PTCH2: variants seen among roughly 807,000 people sequenced by gnomAD.
PTCH2 encodes the protein protein patched homolog 2.
Under a neutral mutation model 117.9 loss-of-function variants are expected in PTCH2, and 96 were observed. The ratio of observed to expected loss-of-function variants is 0.81; its 90% CI spans 0.69 to 0.96. The LOEUF (loss-of-function observed/expected upper bound fraction) is 0.96, where lower values mean the gene tolerates loss of function less well. Among genes scored for constraint, PTCH2 ranks in the 50% least tolerant of loss-of-function variants. The pLI is 0.00. For synonymous variants in PTCH2, 615 were observed against 660.9 expected (o/e 0.93, Z 1.06); for missense variants, 1,379 against 1,562.5 (o/e 0.88, Z 1.98).
At position 44,832,360 on chromosome 1, in the gene PTCH2, A is replaced by G. The variant is rs1653495829; in HGVS notation, c.266-19T>C. ...CTGCCCACTGCCAGAGCAAACAGAG[A>G]AAGCTGGGGGGGAAAGGGCCTAGGC... On this transcript the variant is annotated intron_variant, in intron 2 of 21. Coordinates refer to ENST00000372192, the MANE Select transcript of PTCH2 (RefSeq NM_003738.5). 1.2e-6 allele frequency: 2 copies of G among 1,613,522 alleles called. No homozygotes were observed. The highest frequency in any genetic ancestry group is 1.7e-6 in the Non-Finnish European group (2 of 1,179,932).
At chr1:44,842,073 A>C in intron 1 of PTCH2, 34 bp from the exon 2 acceptor site, 1 of 1,557,594 alleles carries the variant, frequency 6.4e-7, no homozygotes, top group Non-Finnish European at 8.8e-7. Flanking sequence ...GCCAGGCATC[A>C]CTGCAACAAT....
rs1653419033 is a variant in PTCH2 at position 44,830,950 on chromosome 1, C to T, written c.711G>A (p.Leu237=). The change falls in exon 6 of 22, where the codon CTG becomes CTA. Residue 237 remains leucine (L), a synonymous_variant. Coordinates refer to ENST00000372192, the MANE Select transcript of PTCH2 (RefSeq NM_003738.5). ...CCTGGCCCACCTGTGCCTTGTCTAG[C>T]AGCTCCCGGAAGCCCTCAAGGGAGG... ...PFASLEGFRE[L]LDKAQVGQAY... 1 of 1,609,148 alleles carries T rather than the reference C, an allele frequency of 6.2e-7. No individual in the cohort carries two copies. Among genetic ancestry groups the T allele is most frequent in the Non-Finnish European group, 8.5e-7 (1 of 1,176,382 alleles).
At position 44,823,385 on chromosome 1, in the gene PTCH2, C is replaced by T. The variant is rs34832775; in HGVS notation, c.3115G>A (p.Gly1039Ser). ...GVEFTVHVALGFLTTQGSRNL... is the reference protein window; with the variant it reads ...GVEFTVHVALSFLTTQGSRNL... Reference sequence around the variant, plus strand: ...CGGCTGCCCTGGGTGGTCAGGAAGCCCTAGGAAAACAGAGTGGTCCTGGAG... The same window carrying T: ...CGGCTGCCCTGGGTGGTCAGGAAGCTCTAGGAAAACAGAGTGGTCCTGGAG... Residue 1039 changes from glycine to serine, a missense_variant and splice_region_variant, in exon 20 of 22, where the codon GGC becomes AGC. By Grantham distance (56) the Gly-to-Ser change is moderately conservative. Transcript: ENST00000372192. The surrounding 1 kb of genome is among the most constrained non-coding windows in gnomAD (Gnocchi z 5.1). 3 of 1,614,134 alleles carry T rather than the reference C, an allele frequency of 1.9e-6. No homozygotes were observed. The African/African-American group carries it at 4.0e-5, about 22-fold the overall frequency.
intron 2 of PTCH2, among the ~76,000 whole-genome samples, chr1:44,834,994 T>G (rs2148881951): frequency 6.6e-6 from 1 of 152,294 alleles, no homozygotes; most frequent in East Asian, 1.9e-4. Flanking sequence ...GAGAAGGAAC[T>G]GAAGGAAAGA....
chr1:44,842,114 A>T (rs1653973544), intron 1 of PTCH2, 75 bp from the exon 2 acceptor site: 1 of 1,394,244 alleles, frequency 7.2e-7, no homozygotes, highest in African/African-American at 1.4e-5. Flanking sequence ...CACCCTGTAT[A>T]TCTGCTGCCC....
At chr1:44,838,592 A>C (rs899736596) in intron 2 of PTCH2, among the ~76,000 whole-genome samples, 1 of 152,112 alleles carries the variant, frequency 6.6e-6, no homozygotes, top group Admixed American at 6.6e-5. Flanking sequence ...TTGACTTTAC[A>C]GTTGGCCAGG....
chr1:44,839,361 C>CAAAAAAAAAAAAAA (rs57053705), intron 2 of PTCH2, among the ~76,000 whole-genome samples: 2 of 75,658 alleles, frequency 2.6e-5, no homozygotes, highest in Non-Finnish European at 5.2e-5. Flanking sequence ...GACTTACTCT[C>CAAAAAAAAAAAAAA]AAAAAAAAAA....
Position 44,827,206 on chromosome 1 carries a change from G to T in PTCH2, c.2475C>A (p.Ile825=). ...GAGGCTCCTGGGCGTCTCCAGTCTG[G>T]ATGAGCAGCTTGTAGGCCAGGGCCC... ...EDGALAYKLL[I]QTGDAQEPLD... Residue 825 remains isoleucine, a synonymous_variant, in exon 16 of 22, where the codon ATC becomes ATA. Transcript: ENST00000372192. The T allele has an allele frequency of 6.2e-7, 1 of 1,614,112 alleles. No homozygotes were observed. Among genetic ancestry groups the T allele is most frequent in the Non-Finnish European group, 8.5e-7 (1 of 1,180,026 alleles).
At position 44,822,444 on chromosome 1, in the gene PTCH2, A is replaced by T. The variant is rs997809809; in HGVS notation, c.3583T>A (p.Ser1195Thr). ...CCAGTGGCTGGACCTGGTCCCCTGG[A>T]ACTGAGGTTGCCAGAGCTAGTGGCA... ...PAATSSGNLS[S>T]RGPGPATG Residue 1195 changes from serine (S) to threonine (T), a missense_variant, in exon 22 of 22, where the codon TCC (serine) becomes ACC (threonine). Ser to Thr is a moderately conservative substitution (Grantham distance 58). Transcript: ENST00000372192. 1.9e-6 allele frequency: 3 copies of T among 1,613,744 alleles called. No individual in the cohort carries two copies. In the African/African-American group the frequency reaches 4.0e-5, roughly 22 times the overall value.
rs1652933064 is a variant in PTCH2, at chr1:44,822,097, G to T, written c.*318C>A. 1 of 1,378,276 alleles carries T rather than the reference G, an allele frequency of 7.3e-7. No individual in the cohort carries two copies. The highest frequency in any genetic ancestry group is 3.0e-5 in the Admixed American group (1 of 33,846). 85.4% of individuals were successfully genotyped at this position (1,378,276 alleles called of 1,614,324 possible). On this transcript the variant is annotated 3_prime_UTR_variant, in exon 22 of 22. Transcript: ENST00000372192. ...CCTGCCCAGGAGTCACCAGACGGAA[G>T]GGTGCTGGAGGGTCCCTCAGGCTTG...
downstream of PTCH2, chr1:44,820,006 C>G (rs115899954): frequency 6.3e-6 from 1 of 157,804 alleles, no homozygotes; most frequent in African/African-American, 2.4e-5. Context: ...ATATTCGTGA[C>G]TTCCGCTTCG....
At chr1:44,819,874 T>TA (rs1486724549), downstream of PTCH2, 2 of 153,082 alleles carry the variant, frequency 1.3e-5, no homozygotes, top group East Asian at 3.9e-4. Context: ...TTTTAATACT[T>TA]AAAAATGTAG....
At chr1:44,841,809 C>T in intron 2 of PTCH2, 38 bp downstream of exon 2, 1 of 1,607,666 alleles carries the variant, frequency 6.2e-7, no homozygotes, top group Non-Finnish European at 8.5e-7. Context: ...CTTGGGCTCA[C>T]CATACCTGAG....
chr1:44,830,587 C>CAAAAAAAAAAAAAAAAGAAAAAAAAA (rs1653390623), intron 6 of PTCH2, among the ~76,000 whole-genome samples: 1 of 65,178 alleles, frequency 1.5e-5, no homozygotes, highest in African/African-American at 6.8e-5. Flanking sequence ...GAGTGAGACT[C>CAAAAAAAAAAAAAAAAGAAAAAAAAA]AAAAAAAAAA....
In PTCH2 at chr1:44,826,123, G is replaced by T; in HGVS notation, c.3114+127C>A. 7.7e-7 allele frequency: 1 copy of T among 1,303,822 alleles called. No homozygotes were observed. The highest frequency in any genetic ancestry group is 1.1e-6 in the Non-Finnish European group (1 of 932,754). 80.8% of individuals were successfully genotyped at this position (1,303,822 alleles called of 1,614,324 possible). On this transcript the variant is annotated intron_variant, in intron 19 of 21. Transcript: ENST00000372192. The surrounding 1 kb of genome is among the most constrained non-coding windows in gnomAD (Gnocchi z 5.1). ...GGCCTCCCAAAGTGCTGGGATTACA[G>T]GAATGAGCTACCACGTCCACCCAGC...
chr1:44,820,782 G>T (rs1008520356), downstream of PTCH2: 1 of 713,300 alleles, frequency 1.4e-6, no homozygotes, highest in Non-Finnish European at 2.6e-6. Context: ...GTGGCACTGA[G>T]GGCTGACCCC....
chr1:44,841,918 G>A lies in PTCH2; in HGVS notation c.194C>T (p.Ala65Val), dbSNP rs763535375. Residue 65 changes from alanine to valine, a missense_variant, in exon 2 of 22, where the codon GCC (alanine) becomes GTC (valine). Physicochemically the swap from Ala to Val is moderately conservative, Grantham distance 64 (BLOSUM62 0). Coordinates refer to ENST00000372192, the MANE Select transcript of PTCH2 (RefSeq NM_003738.5). Reference sequence around the variant, plus strand: ...GAGACCTAATGCCAGGGCCCCAAAGGCCAACAGTCCCAGAAAGAGCACTTT... The same window carrying A: ...GAGACCTAATGCCAGGGCCCCAAAGACCAACAGTCCCAGAAAGAGCACTTT... ...CGKVLFLGLL[A>V]FGALALGLRM... 7 of 1,614,208 alleles carry A rather than the reference G, an allele frequency of 4.3e-6. No homozygotes were observed. The South Asian group carries it at 6.6e-5, about 15-fold the overall frequency.
In PTCH2 at chr1:44,827,417, G is replaced by T. The variant is rs756422449; in HGVS notation, c.2356C>A (p.Arg786Ser). 6.2e-7 allele frequency: 1 copy of T among 1,614,060 alleles called. No individual in the cohort carries two copies. Among genetic ancestry groups the T allele is most frequent in the South Asian group, 1.1e-5 (1 of 91,080 alleles). ...CGCCTCTCACCCTGTAGCCAGTTGC[G>T]GTAATAGTGCAGCCAGGTGCGGGGT... ...QAPRTWLHYY[R>S]NWLQGIQAAF... Residue 786 changes from arginine (R) to serine (S), a missense_variant, in exon 15 of 22, where the codon CGC becomes AGC. Arg to Ser is a moderately radical substitution (Grantham distance 110). Transcript: ENST00000372192.
downstream of PTCH2, chr1:44,820,001 C>T (rs189101437): frequency 3.0e-4 from 47 of 157,642 alleles, no homozygotes; most frequent in Admixed American, 1.4e-3. Flanking sequence ...CGAGTATATT[C>T]GTGACTTCCG....
Sources: allele counts gnomAD v4.1 joint callset (sites outside exome capture counted in the v4.1 genomes callset), GRCh38; gene constraint gnomAD v4.1.1; non-coding constraint Gnocchi (gnomAD v3.1); transcripts MANE v1.5; gene names NCBI Gene and HGNC (gene_info 2026-07-23, HGNC 2026-07-21).